The following ALCAM variants were observed in gnomAD, a reference collection of about 807,000 sequenced individuals.
ALCAM encodes activated leukocyte cell adhesion molecule.
Under a neutral mutation model 70.9 loss-of-function variants are expected in ALCAM, and 30 were observed. The ratio of observed to expected loss-of-function variants is 0.42; its 90% CI spans 0.32 to 0.57. ALCAM has a LOEUF of 0.57. Among genes scored for constraint, ALCAM ranks in the 20% least tolerant of loss-of-function variants. ALCAM has a pLI of 0.11. For synonymous variants in ALCAM, 249 were observed against 242.5 expected (o/e 1.03, Z -0.25); for missense variants, 591 against 695.1 (o/e 0.85, Z 1.68).
At chr3:105,484,101 G>T (rs947690584) in intron 1 of ALCAM, among the ~76,000 whole-genome samples, 1 of 151,642 alleles carries the variant, frequency 6.6e-6, no homozygotes, top group African/African-American at 2.4e-5. Flanking sequence ...AAGCGTTCTT[G>T]GTCAGAAGCA....
At chr3:105,423,030 C>A (rs1258394729) in intron 1 of ALCAM, among the ~76,000 whole-genome samples, 1 of 151,294 alleles carries the variant, frequency 6.6e-6, no homozygotes, top group East Asian at 1.9e-4. Context: ...CCATTGTTAG[C>A]AGTGAAAGAA....
At position 105,381,916 on chromosome 3, in the gene ALCAM, TA is replaced by T. The variant is rs1019016047; in HGVS notation, c.73+14436del. On this transcript the variant is annotated intron_variant, in intron 1 of 15. Transcript: ENST00000306107. ...TTTATTGTCATATTTTATTTTACTT[TA>T]TTTTTTTATTTATTTTTTCTTTTTT... Among the ~76,000 whole-genome samples, 4 of 151,592 alleles carry T rather than the reference TA, an allele frequency of 2.6e-5. No homozygotes were observed. In the East Asian group the frequency reaches 5.8e-4, roughly 22 times the overall value.
intron 1 of ALCAM, among the ~76,000 whole-genome samples, chr3:105,401,736 C>A (rs1191444803): frequency 6.6e-6 from 1 of 151,988 alleles, no homozygotes; most frequent in East Asian, 1.9e-4. Flanking sequence ...TTTAATGACC[C>A]CGTCTTTCTC....
intron 1 of ALCAM, among the ~76,000 whole-genome samples, chr3:105,463,949 G>A (rs1166735040): frequency 6.6e-6 from 1 of 151,264 alleles, no homozygotes; most frequent in African/African-American, 2.4e-5. Flanking sequence ...TTTTTATATT[G>A]CACAGATATT....
rs146601431 is a variant in ALCAM at position 105,494,718 on chromosome 3, G to A, written c.74-25349G>A. ...TCTGTTGCCCAGGCTGGAATGTAAC[G>A]TCACGATCATAGCCTACGACAGCTT... On this transcript the variant is annotated intron_variant, in intron 1 of 15. Transcript: ENST00000306107. 5.5e-3 allele frequency among the ~76,000 whole-genome samples: 832 copies of A among 149,958 alleles called. 7 individuals are homozygous for A. The highest frequency in any genetic ancestry group is 8.0e-3 in the South Asian group (38 of 4,748).
At chr3:105,468,641 T>A (rs920395294) in intron 1 of ALCAM, among the ~76,000 whole-genome samples, 12 of 151,242 alleles carry the variant, frequency 7.9e-5, no homozygotes, top group African/African-American at 2.9e-4. Flanking sequence ...TTCTGTTCCC[T>A]TTCTGAAAAA....
intron 1 of ALCAM, among the ~76,000 whole-genome samples, chr3:105,456,011 G>C (rs1305565517): frequency 2.0e-5 from 3 of 152,172 alleles, no homozygotes; most frequent in Non-Finnish European, 2.9e-5. Flanking sequence ...CCTGGGAGGC[G>C]AAGGTTGCAG....
chr3:105,517,253 A>T (rs921103527), intron 1 of ALCAM, among the ~76,000 whole-genome samples: 1 of 152,120 alleles, frequency 6.6e-6, no homozygotes, highest in Non-Finnish European at 1.5e-5. Context: ...GAAGTTGATT[A>T]TTATAGCAAA....
intron 1 of ALCAM, among the ~76,000 whole-genome samples, chr3:105,400,056 T>C (rs1242787801): frequency 6.6e-6 from 1 of 152,180 alleles, no homozygotes; most frequent in East Asian, 1.9e-4. Context: ...TGTCCCTACC[T>C]GTTTTTAAAT....
At chr3:105,451,615 A>G (rs1937429858) in intron 1 of ALCAM, among the ~76,000 whole-genome samples, 1 of 152,188 alleles carries the variant, frequency 6.6e-6, no homozygotes, top group Non-Finnish European at 1.5e-5. Flanking sequence ...AAAAAAGATA[A>G]AGAGAGTCAA....
At position 105,473,497 on chromosome 3, in the gene ALCAM, A is replaced by G. The variant is rs143793418; in HGVS notation, c.74-46570A>G. On this transcript the variant is annotated intron_variant, in intron 1 of 15. Coordinates refer to ENST00000306107, the MANE Select transcript of ALCAM (RefSeq NM_001627.4). Reference sequence around the variant, plus strand: ...TTTTTATCTTCCACTTTTCTTACTTAGCAAACCCAAACCTCTATAAATCCA... The same window carrying G: ...TTTTTATCTTCCACTTTTCTTACTTGGCAAACCCAAACCTCTATAAATCCA... 5.3e-3 allele frequency among the ~76,000 whole-genome samples: 801 copies of G among 151,608 alleles called. 6 individuals are homozygous for G. The highest frequency in any genetic ancestry group is 0.018 in the African/African-American group (742 of 41,452).
At chr3:105,420,093 CA>C (rs1261090762) in intron 1 of ALCAM, among the ~76,000 whole-genome samples, 2 of 151,364 alleles carry the variant, frequency 1.3e-5, no homozygotes, top group African/African-American at 4.8e-5. Context: ...ATTTTAAAGT[CA>C]AAAAAATAGC....
At chr3:105,504,636 T>G (rs973738245) in intron 1 of ALCAM, among the ~76,000 whole-genome samples, 1 of 151,802 alleles carries the variant, frequency 6.6e-6, no homozygotes, top group African/African-American at 2.4e-5. Flanking sequence ...GCTCGTTTGT[T>G]CCCCCCACCT....
At chr3:105,420,557 G>A (rs867629769) in intron 1 of ALCAM, among the ~76,000 whole-genome samples, 5 of 151,758 alleles carry the variant, frequency 3.3e-5, no homozygotes, top group Middle Eastern at 3.4e-3. Flanking sequence ...TGGAAATTAT[G>A]TGTCCTATCA....
chr3:105,368,663 T>C (rs1476263196), intron 1 of ALCAM, among the ~76,000 whole-genome samples: 1 of 152,028 alleles, frequency 6.6e-6, no homozygotes, highest in Non-Finnish European at 1.5e-5. Flanking sequence ...AGCCTCTGAA[T>C]CTCTCCCAGG....
In ALCAM at chr3:105,394,333, G is replaced by A. The variant is rs181685231; in HGVS notation, c.73+26852G>A. Among the ~76,000 whole-genome samples, 7 of 152,080 alleles carry A rather than the reference G, an allele frequency of 4.6e-5. No homozygotes were observed. The East Asian group carries it at 7.8e-4, about 17-fold the overall frequency. ...ACATAGCTACGCGGAAGGGACATGC[G>A]AGGGATGAGGGAAGCATAGGCATGT... On this transcript the variant is annotated intron_variant, in intron 1 of 15. Coordinates refer to ENST00000306107, the MANE Select transcript of ALCAM (RefSeq NM_001627.4).
chr3:105,473,886 G>GC (rs1553726558), intron 1 of ALCAM, among the ~76,000 whole-genome samples: 5 of 145,202 alleles, frequency 3.4e-5, no homozygotes, highest in African/African-American at 1.3e-4. Context: ...GTTTTGTTTT[G>GC]TTTTTTTTTT....
Position 105,545,257 on chromosome 3 carries a change from G to A in ALCAM, c.1026G>A (p.Val342=). 3.1e-6 allele frequency: 5 copies of A among 1,609,098 alleles called. No individual in the cohort carries two copies. Among genetic ancestry groups the A allele is most frequent in the Non-Finnish European group, 4.3e-6 (5 of 1,176,352 alleles). The change falls in exon 9 of 16, where the codon GTG becomes GTA. Residue 342 remains valine, a synonymous_variant. Coordinates refer to ENST00000306107, the MANE Select transcript of ALCAM (RefSeq NM_001627.4). ...TGTCCTTAAACCCAAGTGGAGAAGT[G>A]ACTAGACAGATTGGTGATGCCCTAC... The part of the protein sequence containing the change: ...LDLSLNPSGE[V]TRQIGDALPV...
chr3:105,419,907 C>T (rs1308770425), intron 1 of ALCAM, among the ~76,000 whole-genome samples: 1 of 151,762 alleles, frequency 6.6e-6, no homozygotes, highest in Admixed American at 6.6e-5. Context: ...CATCTGCCAA[C>T]ATGAATATTT....
Sources: allele counts gnomAD v4.1 joint callset (sites outside exome capture counted in the v4.1 genomes callset), GRCh38; gene constraint gnomAD v4.1.1; transcripts MANE v1.5; gene names NCBI Gene and HGNC (gene_info 2026-07-23, HGNC 2026-07-21).